Variants in BCAS4 observed in about 807,000 individuals in gnomAD.
The protein encoded by BCAS4 is breast carcinoma-amplified sequence 4.
BCAS4 carries 9 observed loss-of-function variants against 15.7 expected under a neutral mutation model. The observed-to-expected ratio is 0.57, with a 90% CI of 0.34 to 1.00. The LOEUF (loss-of-function observed/expected upper bound fraction) is 1.00, where lower values mean the gene tolerates loss of function less well. Among genes scored for constraint, BCAS4 ranks in the 50% least tolerant of loss-of-function variants. The pLI is 0.02. For missense variants in BCAS4, 225 were observed against 239.1 expected, an observed-to-expected ratio of 0.94 and a Z score of 0.39; for synonymous variants, 101 against 99.5, an observed-to-expected ratio of 1.02 and a Z score of -0.09.
chr20:50,829,577 CT>C (rs1029289317), intron 2 of BCAS4, among the ~76,000 whole-genome samples: 2 of 151,964 alleles, frequency 1.3e-5, no homozygotes, highest in Non-Finnish European at 2.9e-5. Flanking sequence ...AATATGTGGC[CT>C]TTTTTGCACA....
chr20:50,833,491 C>A (rs1463477107), intron 3 of BCAS4, among the ~76,000 whole-genome samples: 1 of 152,226 alleles, frequency 6.6e-6, no homozygotes, highest in Non-Finnish European at 1.5e-5. Context: ...CCTCCACTCA[C>A]AAGATACTAT....
intron 4 of BCAS4, chr20:50,876,099 C>T (rs774727382): frequency 8.3e-5 from 37 of 444,248 alleles, no homozygotes; most frequent in African/African-American, 4.3e-4. Context: ...TACAGGTGCG[C>T]GCTACCATGC....
At chr20:50,801,532 G>T (rs2087926441) in intron 1 of BCAS4, among the ~76,000 whole-genome samples, 2 of 152,110 alleles carry the variant, frequency 1.3e-5, no homozygotes, top group Admixed American at 6.6e-5. Context: ...TTTGAGATGG[G>T]GTCTTGCTAT....
intron 2 of BCAS4, among the ~76,000 whole-genome samples, chr20:50,828,481 T>G (rs2123789183): frequency 6.6e-6 from 1 of 152,022 alleles, no homozygotes; most frequent in East Asian, 1.9e-4. Context: ...AAAAAAAAAT[T>G]TTAAATAAAA....
chr20:50,866,736 T>A (rs941881808), intron 4 of BCAS4, among the ~76,000 whole-genome samples: 1 of 152,088 alleles, frequency 6.6e-6, no homozygotes, highest in African/African-American at 2.4e-5. Flanking sequence ...CGGGGGTGCC[T>A]GTGTGCTGGG....
At chr20:50,847,854 G>A (rs926393059) in intron 4 of BCAS4, among the ~76,000 whole-genome samples, 1 of 152,034 alleles carries the variant, frequency 6.6e-6, no homozygotes, top group African/African-American at 2.4e-5. Flanking sequence ...ACCAGCCTGG[G>A]CAATATGCGA....
At chr20:50,875,505 C>T (rs1979878403) in intron 4 of BCAS4, among the ~76,000 whole-genome samples, 9 of 151,566 alleles carry the variant, frequency 5.9e-5, no homozygotes, top group Admixed American at 5.9e-4. Context: ...TGGCTCACGC[C>T]TGTCATCCTA....
At chr20:50,877,609 AGCATCTTGG>A (rs1403351608), downstream of BCAS4, 1 of 152,360 alleles carries the variant, frequency 6.6e-6, no homozygotes, top group Non-Finnish European at 1.5e-5. Context: ...CTGTAATCCC[AGCATCTTGG>A]GAGGCTGAGG....
At position 50,830,269 on chromosome 20, in the gene BCAS4, T is replaced by A; in HGVS notation, c.163-10T>A. ...GCAGAAGGCCTGATGAGCTGTTTTG[T>A]TCCTTGCAGATCAGGAGTGATACTT... On this transcript the variant is annotated splice_polypyrimidine_tract_variant and intron_variant, in intron 2 of 4. Coordinates refer to ENST00000371608, the MANE Select transcript of BCAS4 (RefSeq NM_198799.4). 6.2e-7 allele frequency: 1 copy of A among 1,611,028 alleles called. No homozygotes were observed. The highest frequency in any genetic ancestry group is 8.5e-7 in the Non-Finnish European group (1 of 1,177,186).
chr20:50,880,509 G>A (rs1233212609), downstream of BCAS4: 1 of 152,160 alleles, frequency 6.6e-6, no homozygotes, highest in Admixed American at 6.5e-5. Context: ...AAACAGAGAC[G>A]GGGTTTTGCT....
intron 1 of BCAS4, among the ~76,000 whole-genome samples, chr20:50,797,215 A>C (rs1340343746): frequency 6.6e-6 from 1 of 152,212 alleles, no homozygotes; most frequent in Admixed American, 6.5e-5. Flanking sequence ...TACTCAAAAT[A>C]GCATGGAAAA....
chr20:50,845,865 G>A (rs1290179025), intron 4 of BCAS4, among the ~76,000 whole-genome samples: 1 of 152,264 alleles, frequency 6.6e-6, no homozygotes. Context: ...ACTCACCAGA[G>A]GCGCAGCCCC....
At chr20:50,875,937 T>C (rs926260027) in intron 4 of BCAS4, 6 of 456,198 alleles carry the variant, frequency 1.3e-5, no homozygotes, top group Admixed American at 4.7e-5. Context: ...CCAGAACATA[T>C]TGATCTGCCT....
chr20:50,863,028 A>G (rs1398705259), intron 4 of BCAS4, among the ~76,000 whole-genome samples: 1 of 151,828 alleles, frequency 6.6e-6, no homozygotes, highest in Non-Finnish European at 1.5e-5. Context: ...ATGGAGTTTT[A>G]CCATGTTGGC....
At chr20:50,847,649 G>A (rs143915399) in intron 4 of BCAS4, among the ~76,000 whole-genome samples, 245 of 152,312 alleles carry the variant, frequency 1.6e-3, no homozygotes, top group African/African-American at 5.4e-3. Context: ...ATGAATCCAC[G>A]TTCTTCTTTC....
At chr20:50,852,366 TTGTGTG>T (rs34560943) in intron 4 of BCAS4, among the ~76,000 whole-genome samples, 1 of 150,114 alleles carries the variant, frequency 6.7e-6, no homozygotes, top group Non-Finnish European at 1.5e-5. Context: ...TTTTGTGGCT[TTGTGTG>T]TGTGTGTGTG....
intron 1 of BCAS4, among the ~76,000 whole-genome samples, chr20:50,806,187 A>G (rs1394068731): frequency 1.3e-5 from 2 of 152,144 alleles, no homozygotes; most frequent in Non-Finnish European, 2.9e-5. Flanking sequence ...CTGTCATGAG[A>G]CAGAGTCTGT....
Position 50,851,988 on chromosome 20 carries a change from G to A in BCAS4, c.399+10088G>A, listed in dbSNP as rs1978455039. ...GGGCCTGTGTCTTGTCTTTGCCATG[G>A]TGATGAGAGTTCTGATGCTGCTGGA... On this transcript the variant is annotated intron_variant, in intron 4 of 4. Transcript: ENST00000371608. The surrounding 1 kb of genome is among the most constrained non-coding windows in gnomAD (Gnocchi z 4.3). Among the ~76,000 whole-genome samples, 1 of 152,210 alleles carries A rather than the reference G, an allele frequency of 6.6e-6. No individual in the cohort carries two copies. The highest frequency in any genetic ancestry group is 6.5e-5 in the Admixed American group (1 of 15,274).
chr20:50,869,980 C>T (rs1203915708), intron 4 of BCAS4, among the ~76,000 whole-genome samples: 1 of 152,070 alleles, frequency 6.6e-6, no homozygotes, highest in Non-Finnish European at 1.5e-5. Flanking sequence ...AACTCCTGAC[C>T]TCAGGTGATC....
Sources: gnomAD v4.1 joint callset for allele counts (sites outside exome capture counted in the v4.1 genomes callset) on GRCh38, gnomAD v4.1.1 for gene constraint, Gnocchi (gnomAD v3.1) non-coding constraint, MANE v1.5 for transcripts, NCBI Gene and HGNC (gene_info 2026-07-23, HGNC 2026-07-21) for gene names.